Variants in ADGRL2 observed in about 807,000 individuals in gnomAD.
ADGRL2 encodes the protein adhesion G protein-coupled receptor L2, also known as calcium-independent alpha-latrotoxin receptor 2.
In ADGRL2, 44 loss-of-function variants were observed where a neutral mutation model predicts 157.4. That is an observed-to-expected ratio of 0.28 (90% CI 0.22 to 0.36). ADGRL2 has a LOEUF of 0.36. Ranked by LOEUF, ADGRL2 falls within the 10% of genes least tolerant of loss-of-function variation. The probability of loss-of-function intolerance (pLI) is 1.00; values close to 1 mark genes in which losing one functional copy is unlikely to be tolerated. For synonymous variants in ADGRL2, 585 were observed against 624.7 expected, an observed-to-expected ratio of 0.94 and a Z score of 0.95; for missense variants, 1,510 against 1,768.9, an observed-to-expected ratio of 0.85 and a Z score of 2.63.
intron 2 of ADGRL2, among the ~76,000 whole-genome samples, chr1:81,763,230 A>T (rs1219812609): frequency 6.6e-6 from 1 of 152,070 alleles, no homozygotes; most frequent in Non-Finnish European, 1.5e-5. Context: ...TTATTATTAG[A>T]TAAATACGTA....
At chr1:81,341,754 T>G (rs996006637) in intron 1 of ADGRL2, among the ~76,000 whole-genome samples, 19 of 152,166 alleles carry the variant, frequency 1.2e-4, no homozygotes, top group African/African-American at 4.3e-4. Flanking sequence ...CATATATTTG[T>G]GTATCTATGA....
At chr1:81,892,184 C>CAAA (rs993201039) in intron 2 of ADGRL2, among the ~76,000 whole-genome samples, 8 of 152,004 alleles carry the variant, frequency 5.3e-5, no homozygotes, top group Non-Finnish European at 1.0e-4. Context: ...TATCCAATGT[C>CAAA]ACAGAGCTCT....
chr1:81,816,837 T>C (rs533190554), intron 1 of ADGRL2, among the ~76,000 whole-genome samples: 6 of 152,168 alleles, frequency 3.9e-5, no homozygotes, highest in African/African-American at 1.2e-4. Context: ...TTATTACATG[T>C]ACTTTACCAA....
At chr1:81,723,328 T>C (rs1038970537) in intron 1 of ADGRL2, among the ~76,000 whole-genome samples, 28 of 152,196 alleles carry the variant, frequency 1.8e-4, no homozygotes, top group Admixed American at 1.3e-4. Flanking sequence ...AACTGAAGCA[T>C]TTTATGGTGG....
intron 2 of ADGRL2, among the ~76,000 whole-genome samples, chr1:81,545,527 C>T (rs145967886): frequency 0.011 from 1,736 of 152,080 alleles, 19 homozygotes; most frequent in Middle Eastern, 0.041. Flanking sequence ...GTGATCTGCC[C>T]GCCTCGCCTC....
chr1:81,838,747 G>A lies in ADGRL2; in HGVS notation c.73+1690G>A, dbSNP rs1004164528. Among the ~76,000 whole-genome samples the A allele has an allele frequency of 3.3e-5, 5 of 151,988 alleles. No individual in the cohort carries two copies. The South Asian group carries it at 6.2e-4, about 19-fold the overall frequency. On this transcript the variant is annotated intron_variant, in intron 2 of 23. Coordinates refer to ENST00000686636, the MANE Select transcript of ADGRL2 (RefSeq NM_001366006.2). The stretch of plus-strand genomic sequence containing the variant: ...GCTTGCACAGTAGCTTAACTCAGTG[G>A]GGGGCTAGCAAACAGAGAGTTTTTT...
rs1168976230 is a variant in ADGRL2, at chr1:81,581,872, GCGCACACACACACACA to G, written c.-143+894_-143+909del. On this transcript the variant is annotated intron_variant, in intron 3 of 24. Coordinates refer to the ADGRL2 transcript ENST00000370721. ...TAACCTCCCACCACCACACACATGC[GCGCACACACACACACA>G]CACACACACACACACACACACACCC... Among the ~76,000 whole-genome samples the G allele has an allele frequency of 7.0e-5, 6 of 85,358 alleles. No homozygotes were observed. The East Asian group carries it at 3.5e-3, about 50-fold the overall frequency. The allele number at this position is 85,358 out of a possible 152,430, so 56.0% of individuals were successfully genotyped here.
chr1:81,904,555 G>A (rs1359465755), intron 2 of ADGRL2, among the ~76,000 whole-genome samples: 1 of 152,128 alleles, frequency 6.6e-6, no homozygotes, highest in Non-Finnish European at 1.5e-5. Flanking sequence ...GTTGAAAAGT[G>A]GAAGGACAAG....
intron 2 of ADGRL2, among the ~76,000 whole-genome samples, chr1:81,470,681 A>C (rs1040154364): frequency 2.6e-5 from 4 of 152,292 alleles, no homozygotes; most frequent in African/African-American, 9.6e-5. Context: ...TGTATTTCTG[A>C]ACTATTGAAC....
intron 3 of ADGRL2, among the ~76,000 whole-genome samples, chr1:81,670,304 T>C (rs1490335193): frequency 6.6e-6 from 1 of 152,222 alleles, no homozygotes; most frequent in Non-Finnish European, 1.5e-5. Context: ...GGAGTGTGAC[T>C]CTTCTGTAAC....
chr1:81,762,187 C>T (rs542905227), intron 2 of ADGRL2, among the ~76,000 whole-genome samples: 11 of 152,096 alleles, frequency 7.2e-5, no homozygotes, highest in African/African-American at 2.7e-4. Context: ...TTATATTCCA[C>T]GAGCAGAAAA....
At chr1:81,631,774 A>C (rs1427974092) in intron 3 of ADGRL2, among the ~76,000 whole-genome samples, 1 of 152,182 alleles carries the variant, frequency 6.6e-6, no homozygotes, top group African/African-American at 2.4e-5. Flanking sequence ...TCAAAAGTCT[A>C]CATAACATGA....
intron 2 of ADGRL2, among the ~76,000 whole-genome samples, chr1:81,856,819 T>A (rs971495832): frequency 1.3e-5 from 2 of 152,014 alleles, no homozygotes; most frequent in African/African-American, 2.4e-5. Context: ...AAAAAAAAAA[T>A]TAGGGCCTTA....
chr1:81,795,358 C>T lies in ADGRL2; in HGVS notation c.-101+33506C>T, dbSNP rs185099887. Among the ~76,000 whole-genome samples, 509 of 152,108 alleles carry T rather than the reference C, an allele frequency of 3.3e-3. 2 individuals are homozygous for T. Among genetic ancestry groups the T allele is most frequent in the African/African-American group, 0.011 (477 of 41,520 alleles). The stretch of plus-strand genomic sequence containing the variant: ...TTGTGCTACTACACTCCAGCCCAAG[C>T]TGGAGTGAGACACTGTCTCAAAATA... On this transcript the variant is annotated intron_variant, in intron 2 of 20. Coordinates refer to the ADGRL2 transcript ENST00000359929.
chr1:81,570,222 C>G (rs536892479), intron 2 of ADGRL2, among the ~76,000 whole-genome samples: 2 of 152,260 alleles, frequency 1.3e-5, no homozygotes, highest in African/African-American at 4.8e-5. Context: ...CATCTTGGAA[C>G]CTGGCTATGT....
At chr1:81,627,129 T>G (rs1388711240) in intron 3 of ADGRL2, among the ~76,000 whole-genome samples, 1 of 152,016 alleles carries the variant, frequency 6.6e-6, no homozygotes, top group Non-Finnish European at 1.5e-5. Context: ...ATTCTAGAAA[T>G]GGATAATGGA....
intron 1 of ADGRL2, among the ~76,000 whole-genome samples, chr1:81,357,219 C>T (rs1663381055): frequency 6.6e-6 from 1 of 152,084 alleles, no homozygotes; most frequent in Non-Finnish European, 1.5e-5. Context: ...TTTCTCAGGC[C>T]TTGCTCACTC....
At chr1:81,968,245 A>T (rs41485748) in intron 14 of ADGRL2, 46 bp downstream of exon 14, 93,375 of 1,507,966 alleles carry the variant, frequency 0.062, 3,166 homozygotes, top group East Asian at 0.1. Flanking sequence ...AACCTCAGAG[A>T]TTCAAAACAG....
chr1:81,337,244 G>C (rs1661710496), intron 1 of ADGRL2, among the ~76,000 whole-genome samples: 1 of 152,182 alleles, frequency 6.6e-6, no homozygotes, highest in East Asian at 1.9e-4. Flanking sequence ...GATACAGGGG[G>C]CTGTCACACT....
Sources: gnomAD v4.1 joint callset for allele counts (sites outside exome capture counted in the v4.1 genomes callset) on GRCh38, gnomAD v4.1.1 for gene constraint, MANE v1.5 for transcripts, NCBI Gene and HGNC (gene_info 2026-07-23, HGNC 2026-07-21) for gene names.